Variants in ZC3H13 observed in about 807,000 individuals in gnomAD.
ZC3H13 encodes the protein zinc finger CCCH-type containing 13, also known as zinc finger CCCH domain-containing protein 13.
ZC3H13 carries 64 observed loss-of-function variants against 204.1 expected under a neutral mutation model. The observed-to-expected ratio is 0.31, with a 90% CI of 0.26 to 0.39. The LOEUF is 0.39. Among genes scored for constraint, ZC3H13 ranks in the 10% least tolerant of loss-of-function variants. The probability of loss-of-function intolerance (pLI) is 1.00; values close to 1 mark genes in which losing one functional copy is unlikely to be tolerated. For missense variants in ZC3H13, 1,833 were observed against 2,082.7 expected, an observed-to-expected ratio of 0.88 and a Z score of 2.33; for synonymous variants, 667 against 693.7, an observed-to-expected ratio of 0.96 and a Z score of 0.60.
chr13:46,050,827 AC>A (rs2044350620), intron 1 of ZC3H13, among the ~76,000 whole-genome samples: 3 of 59,764 alleles, frequency 5.0e-5, no homozygotes, highest in African/African-American at 9.6e-5. Flanking sequence ...TGTTAAAAAG[AC>A]TGTGCACAGA....
chr13:45,973,476 A>C (rs1952757392), intron 12 of ZC3H13, among the ~76,000 whole-genome samples: 2 of 152,226 alleles, frequency 1.3e-5, no homozygotes, highest in African/African-American at 4.8e-5. Context: ...AGATATCAGA[A>C]GCATGAAAAA....
intron 3 of ZC3H13, among the ~76,000 whole-genome samples, chr13:46,043,906 TAA>T (rs1489015771): frequency 1.3e-5 from 2 of 151,846 alleles, no homozygotes; most frequent in Admixed American, 6.6e-5. Context: ...AGCAAAACAT[TAA>T]AAGTATCGAA....
chr13:45,988,928 A>G lies in ZC3H13; in HGVS notation c.1114T>C (p.Ser372Pro). 6.2e-7 allele frequency: 1 copy of G among 1,614,104 alleles called. No homozygotes were observed. The highest frequency in any genetic ancestry group is 8.5e-7 in the Non-Finnish European group (1 of 1,180,024). ...GACAAAGAATGTGAAGGATAAGGAG[A>G]GGCAGAGCGTCGTAAAGGTGGAGTT... ...TLTPPLRRSA[S>P]PYPSHSLSSP... is the part of the protein sequence containing the mutation. Residue 372 changes from serine (S) to proline (P), a missense_variant, in exon 9 of 19, where the codon TCT becomes CCT. Around this residue, in one of 5 missense-constraint regions of ZC3H13, gnomAD observed 1,574 missense variants for 1,757.2 expected, o/e 0.90. Transcript: ENST00000679008.
chr13:46,009,853 A>T (rs1001466772), intron 7 of ZC3H13, among the ~76,000 whole-genome samples: 19 of 152,160 alleles, frequency 1.2e-4, no homozygotes, highest in Non-Finnish European at 2.4e-4. Context: ...AAAATCGGAA[A>T]CAACATAAAT....
intron 8 of ZC3H13, among the ~76,000 whole-genome samples, chr13:46,000,525 G>A (rs973237599): frequency 2.6e-5 from 4 of 152,104 alleles, no homozygotes; most frequent in Admixed American, 1.3e-4. Flanking sequence ...TTTCAGCCTC[G>A]AAAGAATTAA....
intron 4 of ZC3H13, among the ~76,000 whole-genome samples, chr13:46,039,589 T>G (rs906905895): frequency 1.3e-5 from 2 of 152,186 alleles, no homozygotes; most frequent in African/African-American, 2.4e-5. Context: ...CTAATAACAA[T>G]TCATCTAGTA....
chr13:45,983,822 T>A (rs1297884568), intron 10 of ZC3H13, among the ~76,000 whole-genome samples: 2 of 152,112 alleles, frequency 1.3e-5, no homozygotes, highest in African/African-American at 4.8e-5. Flanking sequence ...ATCAGTGTGT[T>A]CCTAGGAACA....
intron 4 of ZC3H13, among the ~76,000 whole-genome samples, chr13:46,038,491 T>C (rs2043354043): frequency 1.3e-5 from 2 of 152,206 alleles, no homozygotes; most frequent in African/African-American, 2.4e-5. Context: ...AACCTCATAA[T>C]TCAAACACAC....
chr13:46,012,925 G>A (rs778630584), intron 5 of ZC3H13, among the ~76,000 whole-genome samples: 80 of 152,090 alleles, frequency 5.3e-4, no homozygotes, highest in Non-Finnish European at 3.1e-4. Flanking sequence ...GTAAAACAAC[G>A]GAAAGAGTAG....
intron 7 of ZC3H13, among the ~76,000 whole-genome samples, chr13:46,006,713 CATATAT>C: frequency 1.6e-5 from 1 of 63,840 alleles, no homozygotes; most frequent in South Asian, 4.9e-4. Flanking sequence ...AGTTCTTAGC[CATATAT>C]ATATATGAGA....
chr13:46,033,611 G>C (rs2043032197), intron 4 of ZC3H13, among the ~76,000 whole-genome samples: 1 of 152,090 alleles, frequency 6.6e-6, no homozygotes, highest in Non-Finnish European at 1.5e-5. Flanking sequence ...GCATTTCCTA[G>C]GTATGCCTAA....
chr13:45,972,017 A>G lies in ZC3H13; in HGVS notation c.2469-1552T>C, dbSNP rs570893325. ...AAAAAAACAGGAGATGTTAGCATAG[A>G]CATGGTGAAAAGGGAATGCTTATTC... On this transcript the variant is annotated intron_variant, in intron 12 of 18. Coordinates refer to ENST00000679008, the MANE Select transcript of ZC3H13 (RefSeq NM_001330564.2). Among the ~76,000 whole-genome samples, 7 of 152,252 alleles carry G rather than the reference A, an allele frequency of 4.6e-5. No individual in the cohort carries two copies. The South Asian group carries it at 8.3e-4, about 18-fold the overall frequency.
chr13:45,980,969 G>C (rs1481642850), intron 10 of ZC3H13, among the ~76,000 whole-genome samples: 4 of 152,172 alleles, frequency 2.6e-5, no homozygotes, highest in African/African-American at 7.2e-5. Context: ...CTATGCTATA[G>C]ATAAGATGTT....
At position 45,983,401 on chromosome 13, in the gene ZC3H13, T is replaced by TTATATATATATATATATATA. The variant is rs1555277662; in HGVS notation, c.1720+1895_1720+1896insTATATATATATATATATATA. 3.9e-3 allele frequency among the ~76,000 whole-genome samples: 139 copies of TTATATATATATATATATATA among 35,458 alleles called. 14 individuals carry two copies. Among genetic ancestry groups the TTATATATATATATATATATA allele is most frequent in the East Asian group, 7.6e-3 (4 of 528 alleles). 23.3% of individuals were successfully genotyped at this position (35,458 alleles called of 152,430 possible). A position where few individuals can be genotyped will look rare whatever the true frequency, so the allele number is the denominator to read the frequency against. On this transcript the variant is annotated intron_variant, in intron 10 of 18. Coordinates refer to ENST00000679008, the MANE Select transcript of ZC3H13 (RefSeq NM_001330564.2). ...TGAAACAAAGCAAAGCCCCTTCTAC[T>TTATATATATATATATATATA]TATATATATATATTTTTTTTTTTTT... is the stretch of plus-strand genomic sequence containing the variant.
chr13:46,012,975 T>C (rs75140929), intron 5 of ZC3H13, among the ~76,000 whole-genome samples: 2,158 of 152,358 alleles, frequency 0.014, 45 homozygotes, highest in African/African-American at 0.049. Context: ...CTGACGGTAC[T>C]GTATTATCAG....
chr13:46,003,260 C>T lies in ZC3H13; in HGVS notation c.823G>A (p.Ala275Thr), dbSNP rs771033760. Residue 275 changes from alanine (A) to threonine (T), a missense_variant, in exon 8 of 19, where the codon GCT becomes ACT. Coordinates refer to ENST00000679008, the MANE Select transcript of ZC3H13 (RefSeq NM_001330564.2). ...TTTTCTTTGTATTTTTTCCCCAGAG[C>T]GATATCTTCTGGTATAGGAGGGGGT... is the stretch of plus-strand genomic sequence containing the variant. The part of the protein sequence containing the change: ...SPPPPIPEDI[A>T]LGKKYKEKYK... 32 of 1,612,720 alleles carry T rather than the reference C, an allele frequency of 2.0e-5. 2 individuals carry two copies. Among genetic ancestry groups the T allele is most frequent in the Middle Eastern group, 3.3e-4 (2 of 6,082 alleles).
chr13:45,996,044 C>A (rs1266887713), intron 8 of ZC3H13, among the ~76,000 whole-genome samples: 1 of 152,184 alleles, frequency 6.6e-6, no homozygotes, highest in Non-Finnish European at 1.5e-5. Context: ...ACCAAAATAT[C>A]TGGCAGAATG....
intron 5 of ZC3H13, among the ~76,000 whole-genome samples, chr13:46,012,827 G>A (rs2041656198): frequency 2.0e-5 from 3 of 152,112 alleles, no homozygotes; most frequent in African/African-American, 7.2e-5. Flanking sequence ...ACTCTATTGA[G>A]ATACTTTACA....
chr13:46,008,319 C>CAAA (rs5803322), intron 7 of ZC3H13, among the ~76,000 whole-genome samples: 2 of 143,972 alleles, frequency 1.4e-5, no homozygotes, highest in African/African-American at 2.5e-5. Context: ...TGTTATACTC[C>CAAA]AAAAAAAAAA....
Sources: allele counts gnomAD v4.1 joint callset (sites outside exome capture counted in the v4.1 genomes callset), GRCh38; gene constraint gnomAD v4.1.1; regional missense constraint gnomAD v4.1.1; transcripts MANE v1.5; gene names NCBI Gene and HGNC (gene_info 2026-07-23, HGNC 2026-07-21).